The following WIPI1 variants were observed in gnomAD, a reference collection of about 807,000 sequenced individuals.
The protein encoded by WIPI1 is WD repeat domain, phosphoinositide interacting 1.
In WIPI1, 45 loss-of-function variants were observed where a neutral mutation model predicts 55.3. The observed-to-expected ratio is 0.81, with a 90% CI of 0.64 to 1.04. The LOEUF (loss-of-function observed/expected upper bound fraction) is 1.04. Ranked by LOEUF, WIPI1 falls within the 50% of genes least tolerant of loss-of-function variation. The probability of loss-of-function intolerance (pLI) is 0.00; values close to 1 mark genes in which losing one functional copy is unlikely to be tolerated. For missense variants in WIPI1, 445 were observed against 559.0 expected (o/e 0.80, Z 2.06); for synonymous variants, 195 against 217.6 (o/e 0.90, Z 0.92).
At chr17:68,428,991 C>T (rs116711530) in intron 9 of WIPI1, 55 bp from the exon 10 acceptor site, 8 of 1,387,860 alleles carry the variant, frequency 5.8e-6, no homozygotes, top group East Asian at 2.3e-5. Context: ...GCGATGGATT[C>T]GCTTCCAATG....
At chr17:68,444,291 A>C (rs74335740) in intron 4 of WIPI1, among the ~76,000 whole-genome samples, 5,505 of 152,310 alleles carry the variant, frequency 0.036, 341 homozygotes, top group African/African-American at 0.13. Context: ...ACTGCAATGA[A>C]GGGCACACAG....
intron 1 of WIPI1, among the ~76,000 whole-genome samples, chr17:68,456,172 T>C (rs750266733): frequency 6.6e-6 from 1 of 152,216 alleles, no homozygotes; most frequent in African/African-American, 2.4e-5. Context: ...AACTTGAAAG[T>C]CACTCAAATA....
intron 1 of WIPI1, among the ~76,000 whole-genome samples, chr17:68,454,934 A>G (rs2084609336): frequency 6.6e-6 from 1 of 152,194 alleles, no homozygotes; most frequent in Non-Finnish European, 1.5e-5. Flanking sequence ...AATGGCCACA[A>G]AAGACTCTGA....
intron 5 of WIPI1, 69 bp downstream of exon 5, chr17:68,436,313 A>T: frequency 6.9e-7 from 1 of 1,450,124 alleles, no homozygotes; most frequent in Non-Finnish European, 9.7e-7. Context: ...GGGCGTCCTT[A>T]TCTATCTCCT....
chr17:68,442,187 A>G (rs1324652334), intron 4 of WIPI1, among the ~76,000 whole-genome samples: 1 of 152,150 alleles, frequency 6.6e-6, no homozygotes, highest in African/African-American at 2.4e-5. Flanking sequence ...ATGGTGGCTA[A>G]GTATGCTGAC....
intron 3 of WIPI1, among the ~76,000 whole-genome samples, chr17:68,446,739 C>T (rs923745979): frequency 2.5e-4 from 38 of 152,308 alleles, no homozygotes; most frequent in African/African-American, 8.9e-4. Context: ...CCTGGGATAG[C>T]GGGGCCTTGA....
chr17:68,426,254 G>GGGGGGGGGGCCCCCCCCCCC, intron 11 of WIPI1, 79 bp from the exon 12 acceptor site: 1 of 816,920 alleles, frequency 1.2e-6, no homozygotes, highest in Admixed American at 2.3e-5. Context: ...GGGAGCGGGG[G>GGGGGGGGGGCCCCCCCCCCC]CTCAAATAAA....
chr17:68,431,870 A>C (rs1322146917), intron 8 of WIPI1, among the ~76,000 whole-genome samples: 1 of 80,378 alleles, frequency 1.2e-5, no homozygotes, highest in Non-Finnish European at 2.6e-5. Flanking sequence ...TCAATCTCTG[A>C]TAATAATCCC....
chr17:68,435,629 C>G lies in WIPI1; in HGVS notation c.612G>C (p.Ala204=), dbSNP rs147761920. Residue 204 remains alanine, a synonymous_variant, in exon 6 of 13, where the codon GCG becomes GCC. Transcript: ENST00000262139. ...FNASGSKLAS[A]SEKGTVIRVF... ...GTGGGAGTGGACTCACTTTTTCAGA[C>G]GCACTTGCTAGTTTGGAGCCTGAGG... The G allele has an allele frequency of 6.2e-7, 1 of 1,614,126 alleles. No individual in the cohort carries two copies. Among genetic ancestry groups the G allele is most frequent in the South Asian group, 1.1e-5 (1 of 91,086 alleles).
chr17:68,442,014 C>T (rs925243225), intron 4 of WIPI1, among the ~76,000 whole-genome samples: 6 of 152,132 alleles, frequency 3.9e-5, no homozygotes, highest in Admixed American at 2.0e-4. Flanking sequence ...GAGATAAAAT[C>T]GATTCCCTTT....
At chr17:68,447,313 A>C (rs533325698) in intron 3 of WIPI1, among the ~76,000 whole-genome samples, 1 of 152,376 alleles carries the variant, frequency 6.6e-6, no homozygotes, top group East Asian at 1.9e-4. Flanking sequence ...AGTTCAATAC[A>C]AGAGAAATAA....
chr17:68,434,763 ATGTT>A, intron 6 of WIPI1, 137 bp from the exon 7 acceptor site: 1 of 761,568 alleles, frequency 1.3e-6, no homozygotes. Context: ...GCATAGAGGC[ATGTT>A]TATTTATGTG....
At chr17:68,448,969 T>C (rs1446624283) in intron 3 of WIPI1, among the ~76,000 whole-genome samples, 1 of 152,234 alleles carries the variant, frequency 6.6e-6, no homozygotes, top group Non-Finnish European at 1.5e-5. Context: ...CAGCTATTTT[T>C]CACCGCACTG....
At chr17:68,430,270 C>A in intron 8 of WIPI1, 110 bp from the exon 9 acceptor site, 1 of 1,130,698 alleles carries the variant, frequency 8.8e-7, no homozygotes, top group Non-Finnish European at 1.3e-6. Context: ...CAGGGAGAGA[C>A]TGTGCCTTAG....
chr17:68,433,668 T>C (rs1342214557), intron 7 of WIPI1, 93 bp from the exon 8 acceptor site: 1 of 987,306 alleles, frequency 1.0e-6, no homozygotes, highest in Non-Finnish European at 1.5e-6. Flanking sequence ...AAATCAGATG[T>C]ATCCTGAAGA....
intron 4 of WIPI1, among the ~76,000 whole-genome samples, chr17:68,442,929 ATG>A (rs936225427): frequency 2.0e-4 from 31 of 152,280 alleles, no homozygotes; most frequent in African/African-American, 7.2e-4. Flanking sequence ...AGCACAAAGA[ATG>A]TCTGCAATAG....
At chr17:68,437,071 C>T (rs907139284) in intron 4 of WIPI1, among the ~76,000 whole-genome samples, 14 of 145,784 alleles carry the variant, frequency 9.6e-5, no homozygotes, top group Non-Finnish European at 8.9e-5. Flanking sequence ...TACCCCAGGA[C>T]TCTGAAACAG....
chr17:68,453,916 G>A (rs1194228656), intron 1 of WIPI1, among the ~76,000 whole-genome samples: 1 of 152,142 alleles, frequency 6.6e-6, no homozygotes, highest in Admixed American at 6.5e-5. Context: ...ACTCAGCTGG[G>A]AAGTTTAATT....
chr17:68,449,082 T>G (rs1400247286), intron 3 of WIPI1, among the ~76,000 whole-genome samples: 1 of 152,230 alleles, frequency 6.6e-6, no homozygotes, highest in Non-Finnish European at 1.5e-5. Context: ...TTGTCTCATT[T>G]GTTAAAAAAA....
Sources: gnomAD v4.1 joint callset for allele counts (sites outside exome capture counted in the v4.1 genomes callset) on GRCh38, gnomAD v4.1.1 for gene constraint, MANE v1.5 for transcripts, NCBI Gene and HGNC (gene_info 2026-07-23, HGNC 2026-07-21) for gene names.